The following C1D variants were observed in gnomAD, a reference collection of about 807,000 sequenced individuals.
C1D encodes nuclear nucleic acid-binding protein C1D.
Under a neutral mutation model 17.5 loss-of-function variants are expected in C1D, and 10 were observed. That is an observed-to-expected ratio of 0.57 (90% CI 0.35 to 0.97). The LOEUF (loss-of-function observed/expected upper bound fraction) is 0.97, where lower values mean the gene tolerates loss of function less well. C1D is among the 50% of genes least tolerant of loss of function. C1D has a pLI of 0.01. For missense variants in C1D, 136 were observed against 160.1 expected (o/e 0.85, Z 0.81); for synonymous variants, 49 against 54.0 (o/e 0.91, Z 0.40).
intron 3 of C1D, 116 bp downstream of exon 3, chr2:68,046,228 C>A: frequency 2.3e-6 from 2 of 861,108 alleles, no homozygotes; most frequent in Non-Finnish European, 3.7e-6. Flanking sequence ...AAATAAGTAT[C>A]TATTAAAAGT....
chr2:68,057,735 C>A (rs1239294012), intron 1 of C1D, among the ~76,000 whole-genome samples: 1 of 152,086 alleles, frequency 6.6e-6, no homozygotes, highest in Admixed American at 6.5e-5. Flanking sequence ...TCAAACATAC[C>A]AGATAAAAAT....
In C1D at chr2:68,043,031, T is replaced by G. The variant is rs1358683158; in HGVS notation, c.284A>C (p.Asn95Thr). 1.9e-6 allele frequency: 3 copies of G among 1,605,466 alleles called. No homozygotes were observed. Among genetic ancestry groups the G allele is most frequent in the African/African-American group, 2.7e-5 (2 of 74,172 alleles). ...QELERIRVYM[N>T]RVKEITDKKK... ...CTTGTCTGTTATTTCCTTGACTCTG[T>G]TCATATATACTCTGATTCTTTCCTT... Residue 95 changes from asparagine to threonine, a missense_variant, in exon 5 of 5, where the codon AAC (asparagine) becomes ACC (threonine). Transcript: ENST00000410067.
chr2:68,051,083 C>G (rs1671266309), intron 1 of C1D, among the ~76,000 whole-genome samples: 5 of 152,214 alleles, frequency 3.3e-5, no homozygotes, highest in Admixed American at 3.3e-4. Flanking sequence ...TGCCTGAATG[C>G]CCTCCTAAAT....
intron 1 of C1D, among the ~76,000 whole-genome samples, chr2:68,051,911 T>C (rs17034884): frequency 0.23 from 34,186 of 151,670 alleles, 4,538 homozygotes; most frequent in African/African-American, 0.37. Flanking sequence ...GCCGGTCTAC[T>C]GCCAAAAGGC....
At chr2:68,049,615 C>G (rs950020276) in intron 1 of C1D, among the ~76,000 whole-genome samples, 2 of 152,200 alleles carry the variant, frequency 1.3e-5, no homozygotes, top group African/African-American at 4.8e-5. Flanking sequence ...CTAGATTTTA[C>G]AGGTAATTTC....
At chr2:68,060,434 G>T (rs898861354) in intron 1 of C1D, among the ~76,000 whole-genome samples, 6 of 152,152 alleles carry the variant, frequency 3.9e-5, no homozygotes, top group African/African-American at 1.2e-4. Context: ...CTGAGGTCAG[G>T]GGTTCGAGAC....
intron 1 of C1D, among the ~76,000 whole-genome samples, chr2:68,062,648 T>C (rs187685092): frequency 1.9e-3 from 285 of 152,338 alleles, no homozygotes; most frequent in African/African-American, 6.7e-3. Flanking sequence ...TTTTAATTTC[T>C]TCGTCTTCCA....
intron 1 of C1D, among the ~76,000 whole-genome samples, chr2:68,050,737 A>G (rs1671256589): frequency 6.6e-6 from 1 of 152,198 alleles, no homozygotes; most frequent in South Asian, 2.1e-4. Context: ...AGTAAACTGA[A>G]GACTCCAACA....
intron 1 of C1D, among the ~76,000 whole-genome samples, chr2:68,054,567 A>G (rs1013983587): frequency 3.3e-5 from 5 of 152,222 alleles, no homozygotes; most frequent in African/African-American, 4.8e-5. Context: ...TTAATTGATT[A>G]TGGATTTTAA....
chr2:68,046,220 ATAAG>A (rs2103795123), intron 3 of C1D, 120 bp downstream of exon 3: 3 of 835,138 alleles, frequency 3.6e-6, no homozygotes, highest in East Asian at 2.7e-5. Flanking sequence ...AGATTTAAAA[ATAAG>A]TATCTATTAA....
chr2:68,050,811 A>G (rs1318158333), intron 1 of C1D, among the ~76,000 whole-genome samples: 4 of 152,298 alleles, frequency 2.6e-5, no homozygotes, highest in Admixed American at 2.0e-4. Flanking sequence ...TGCATACTCA[A>G]TATCTCTGGT....
intron 1 of C1D, among the ~76,000 whole-genome samples, chr2:68,058,671 C>G (rs903488062): frequency 6.6e-6 from 1 of 152,134 alleles, no homozygotes; most frequent in Non-Finnish European, 1.5e-5. Flanking sequence ...TGGACAAAAT[C>G]TTTAATACAA....
chr2:68,050,772 CCATTGAACTT>C (rs1483734049), intron 1 of C1D, among the ~76,000 whole-genome samples: 1 of 152,174 alleles, frequency 6.6e-6, no homozygotes, highest in East Asian at 1.9e-4. Flanking sequence ...CCTGACCTCT[CCATTGAACTT>C]CATATTTACA....
chr2:68,059,859 G>A (rs1671568215), intron 1 of C1D, among the ~76,000 whole-genome samples: 1 of 151,956 alleles, frequency 6.6e-6, no homozygotes, highest in South Asian at 2.1e-4. Flanking sequence ...GACTGTCTCC[G>A]GTCTCACAAC....
intron 1 of C1D, chr2:68,053,109 C>T (rs1671336303): frequency 1.3e-6 from 2 of 1,550,742 alleles, no homozygotes; most frequent in African/African-American, 1.4e-5. Flanking sequence ...TACTCCTTGC[C>T]CTTCCACATA....
At chr2:68,062,732 G>A (rs752063544) in intron 1 of C1D, among the ~76,000 whole-genome samples, 3 of 152,120 alleles carry the variant, frequency 2.0e-5, no homozygotes, top group Non-Finnish European at 4.4e-5. Flanking sequence ...ATGAGGGGCC[G>A]GGGTAAGCCA....
In C1D at chr2:68,041,153, C is replaced by G. The variant is rs1023230316; in HGVS notation, c.*1736G>C. ...ACTACAGCCATTCAGCTCCTTATTA[C>G]GTGCTAAGTATTTAAAATTATACAT... On this transcript the variant is annotated 3_prime_UTR_variant, in exon 5 of 5. Coordinates refer to ENST00000410067, the MANE Select transcript of C1D (RefSeq NM_173177.3). 1 of 151,898 alleles carries G rather than the reference C, an allele frequency of 6.6e-6. No homozygotes were observed. Among genetic ancestry groups the G allele is most frequent in the Non-Finnish European group, 1.5e-5 (1 of 67,844 alleles). 9.4% of individuals were successfully genotyped at this position (151,898 alleles called of 1,614,324 possible).
At chr2:68,049,759 TATTAG>T in intron 1 of C1D, among the ~76,000 whole-genome samples, 1 of 152,282 alleles carries the variant, frequency 6.6e-6, no homozygotes, top group Admixed American at 6.5e-5. Context: ...CGTATAAACA[TATTAG>T]ATTATATCAA....
At chr2:68,049,196 CAAA>C (rs372795126) in intron 1 of C1D, among the ~76,000 whole-genome samples, 4 of 92,446 alleles carry the variant, frequency 4.3e-5, no homozygotes, top group Admixed American at 1.2e-4. Flanking sequence ...GACTGTCTCT[CAAA>C]AAAAAAAAAA....
Sources: gnomAD v4.1 joint callset for allele counts (sites outside exome capture counted in the v4.1 genomes callset) on GRCh38, gnomAD v4.1.1 for gene constraint, MANE v1.5 for transcripts, NCBI Gene and HGNC (gene_info 2026-07-23, HGNC 2026-07-21) for gene names.